Variants in SMG7 observed in about 807,000 individuals in gnomAD.
SMG7 encodes nonsense-mediated mRNA decay factor SMG7.
In SMG7, 34 loss-of-function variants were observed where a neutral mutation model predicts 148.2. The ratio of observed to expected loss-of-function variants is 0.23; its 90% CI spans 0.17 to 0.31. The LOEUF (loss-of-function observed/expected upper bound fraction) is 0.31. SMG7 is among the 10% of genes least tolerant of loss of function. SMG7 has a pLI of 1.00. For synonymous variants in SMG7, 492 were observed against 515.1 expected (o/e 0.96, Z 0.61); for missense variants, 1,114 against 1,408.4 (o/e 0.79, Z 3.35).
Position 183,537,209 on chromosome 1 carries a change from A to T in SMG7, c.1228A>T (p.Ile410Phe). 1 of 1,609,654 alleles carries T rather than the reference A, an allele frequency of 6.2e-7. No individual in the cohort carries two copies. Among genetic ancestry groups the T allele is most frequent in the East Asian group, 2.2e-5 (1 of 44,780 alleles). Reference protein sequence around the residue: ...FHPHEEDLSSISATPLPEEFE... With the variant: ...FHPHEEDLSSFSATPLPEEFE... ...TCCCCATGAAGAGGACCTCTCAAGT[A>T]TTAGTGGTAAGGGCTACCCTAACCT... The change falls in exon 11 of 23, where the codon ATT (isoleucine) becomes TTT (phenylalanine). Residue 410 changes from isoleucine (I) to phenylalanine (F), a missense_variant. Ile to Phe is a conservative substitution (Grantham distance 21). Transcript: ENST00000688051.
At chr1:183,546,595 G>A (rs147548279) in intron 17 of SMG7, among the ~76,000 whole-genome samples, 195 of 152,282 alleles carry the variant, frequency 1.3e-3, no homozygotes, top group African/African-American at 4.6e-3. Flanking sequence ...CTCTAAAACA[G>A]CATGTTAGAG....
chr1:183,499,217 A>G (rs1232898059), intron 1 of SMG7, among the ~76,000 whole-genome samples: 1 of 152,228 alleles, frequency 6.6e-6, no homozygotes, highest in Admixed American at 6.5e-5. Flanking sequence ...AATAAAGCCG[A>G]TATGATATTC....
chr1:183,527,602 A>ATTTTG lies in SMG7; in HGVS notation c.485-339_485-335dup. On this transcript the variant is annotated intron_variant, in intron 5 of 22. Transcript: ENST00000688051. The surrounding 1 kb of genome is among the most constrained non-coding windows in gnomAD (Gnocchi z 4.0). ...ATTTTCAGATCATATTGTATAGTGT[A>ATTTTG]TTTTGTTTTGTTTTGTTTTTAAGTG... The ATTTTG allele has an allele frequency of 8.4e-6, 4 of 474,656 alleles. No individual in the cohort carries two copies. Among genetic ancestry groups the ATTTTG allele is most frequent in the Non-Finnish European group, 1.7e-5 (4 of 229,480 alleles). The allele number at this position is 474,656 out of a possible 1,614,324, so 29.4% of individuals were successfully genotyped here. A position where few individuals can be genotyped will look rare whatever the true frequency, so the allele number is the denominator to read the frequency against.
At chr1:183,493,707 A>G (rs1411358749) in intron 1 of SMG7, among the ~76,000 whole-genome samples, 1 of 151,884 alleles carries the variant, frequency 6.6e-6, no homozygotes, top group Non-Finnish European at 1.5e-5. Context: ...TTAACCTCCC[A>G]AGTACCTGGG....
chr1:183,553,492 A>G lies in SMG7; in HGVS notation c.*1561A>G, dbSNP rs972524313. The G allele has an allele frequency of 2.0e-5, 7 of 345,476 alleles. No homozygotes were observed. The highest frequency in any genetic ancestry group is 8.4e-5 in the African/African-American group (4 of 47,636). The allele number at this position is 345,476 out of a possible 1,614,324, so 21.4% of individuals were successfully genotyped here. ...GTTAGTGTGGAACTTAAGAGCTGGA[A>G]GACAGCTGTAGAGCAAAGCACATCC... On this transcript the variant is annotated 3_prime_UTR_variant, in exon 23 of 23. Coordinates refer to ENST00000688051, the MANE Select transcript of SMG7 (RefSeq NM_001375584.1).
intron 14 of SMG7, among the ~76,000 whole-genome samples, chr1:183,543,377 A>G (rs1489142683): frequency 1.3e-5 from 2 of 152,170 alleles, no homozygotes; most frequent in African/African-American, 4.8e-5. Context: ...TTTGAGAAAG[A>G]GAAATAAGAA....
At chr1:183,506,922 A>G (rs1343949482) in intron 1 of SMG7, among the ~76,000 whole-genome samples, 1 of 130,844 alleles carries the variant, frequency 7.6e-6, no homozygotes, top group Non-Finnish European at 1.5e-5. Context: ...TCTGTCACCT[A>G]GGCTGGAGTG....
At chr1:183,507,698 C>T (rs909647755) in intron 1 of SMG7, among the ~76,000 whole-genome samples, 2 of 152,070 alleles carry the variant, frequency 1.3e-5, no homozygotes, top group Non-Finnish European at 2.9e-5. Context: ...GTACCTAGTA[C>T]CTATACTACC....
At chr1:183,545,427 G>A in intron 16 of SMG7, 115 bp downstream of exon 16, 2 of 1,222,862 alleles carry the variant, frequency 1.6e-6, no homozygotes, top group Non-Finnish European at 2.3e-6. Flanking sequence ...GATTTATAGT[G>A]ATTATGGGAA....
At chr1:183,509,273 T>C (rs892860327) in intron 1 of SMG7, among the ~76,000 whole-genome samples, 4 of 152,234 alleles carry the variant, frequency 2.6e-5, no homozygotes, top group Non-Finnish European at 5.9e-5. Context: ...ATTTCAGATA[T>C]AATCTATTTC....
At chr1:183,515,812 A>G (rs1663380228) in intron 2 of SMG7, 62 bp from the exon 3 acceptor site, 1 of 981,910 alleles carries the variant, frequency 1.0e-6, no homozygotes, top group Non-Finnish European at 1.6e-6. Context: ...CTGGTGTGGT[A>G]TAATGGTTTT....
chr1:183,507,983 A>G (rs1661302505), intron 1 of SMG7: 1 of 157,972 alleles, frequency 6.3e-6, no homozygotes, highest in Admixed American at 6.5e-5. Flanking sequence ...TTGTTATTGA[A>G]ATCATGGTGA....
intron 1 of SMG7, among the ~76,000 whole-genome samples, chr1:183,502,955 C>T (rs929440606): frequency 6.6e-6 from 1 of 152,158 alleles, no homozygotes; most frequent in African/African-American, 2.4e-5. Context: ...CTCAAAGATG[C>T]AGCTTTTAAC....
intron 1 of SMG7, among the ~76,000 whole-genome samples, chr1:183,510,945 C>T (rs755531435): frequency 4.6e-5 from 7 of 151,386 alleles, no homozygotes; most frequent in East Asian, 1.9e-4. Flanking sequence ...GAGCCGAGAT[C>T]GTGCTGCTGC....
chr1:183,489,379 T>C (rs922560178), intron 1 of SMG7, among the ~76,000 whole-genome samples: 2 of 152,028 alleles, frequency 1.3e-5, no homozygotes, highest in African/African-American at 4.8e-5. Context: ...TTCTTTGAAA[T>C]TGGTTACAGA....
Position 183,510,860 on chromosome 1 carries a change from A to G in SMG7, c.30-1977A>G, listed in dbSNP as rs369224122. On this transcript the variant is annotated intron_variant, in intron 1 of 22. Coordinates refer to ENST00000688051, the MANE Select transcript of SMG7 (RefSeq NM_001375584.1). The stretch of plus-strand genomic sequence containing the variant: ...TCTCTAGCTTTCATGCTAAAAGTGC[A>G]GGCGCCTGTAGTCCCAGCTACTTGG... Among the ~76,000 whole-genome samples, 133 of 152,244 alleles carry G rather than the reference A, an allele frequency of 8.7e-4. 2 individuals are homozygous for G. In the East Asian group the frequency reaches 0.018, roughly 21 times the overall value.
chr1:183,522,933 A>T (rs1027251131), intron 4 of SMG7, among the ~76,000 whole-genome samples: 1 of 151,824 alleles, frequency 6.6e-6, no homozygotes, highest in Middle Eastern at 3.2e-3. Context: ...CATACCAGCT[A>T]CCTTTTTTTA....
intron 10 of SMG7, among the ~76,000 whole-genome samples, chr1:183,536,725 A>G (rs1483274220): frequency 6.6e-6 from 1 of 152,198 alleles, no homozygotes; most frequent in African/African-American, 2.4e-5. Context: ...TTTGTGTGGT[A>G]TAACCATACC....
rs537605855 is a variant in SMG7 at position 183,477,804 on chromosome 1, A to G, written c.29+5155A>G. ...TGTGTGTATGTATACATATATGTAT[A>G]TGTGTCTATGCACATATGTGTGTAT... On this transcript the variant is annotated intron_variant, in intron 1 of 22. Coordinates refer to ENST00000688051, the MANE Select transcript of SMG7 (RefSeq NM_001375584.1). 3.2e-4 allele frequency among the ~76,000 whole-genome samples: 49 copies of G among 151,996 alleles called. 1 individual carries two copies. The South Asian group carries it at 6.8e-3, about 21-fold the overall frequency.
Sources: gnomAD v4.1 joint callset for allele counts (sites outside exome capture counted in the v4.1 genomes callset) on GRCh38, gnomAD v4.1.1 for gene constraint, Gnocchi (gnomAD v3.1) non-coding constraint, MANE v1.5 for transcripts, NCBI Gene and HGNC (gene_info 2026-07-23, HGNC 2026-07-21) for gene names.